Variants in CNIH3 observed in about 807,000 individuals in gnomAD.
The protein encoded by CNIH3 is protein cornichon homolog 3.
CNIH3 carries 14 observed loss-of-function variants against 24.1 expected under a neutral mutation model. The observed-to-expected ratio is 0.58, with a 90% confidence interval of 0.38 to 0.91. The LOEUF (loss-of-function observed/expected upper bound fraction) is 0.91. CNIH3 is among the 40% of genes least tolerant of loss of function. The pLI, the probability that CNIH3 is intolerant of heterozygous loss-of-function variation, is 0.00. For synonymous variants in CNIH3, 68 were observed against 73.8 expected, an observed-to-expected ratio of 0.92 and a Z score of 0.40; for missense variants, 178 against 196.8, an observed-to-expected ratio of 0.90 and a Z score of 0.57.
intron 3 of CNIH3, among the ~76,000 whole-genome samples, chr1:224,553,043 TATC>T: frequency 6.7e-6 from 1 of 149,846 alleles, no homozygotes; most frequent in East Asian, 2.0e-4. Flanking sequence ...TTATGATTAA[TATC>T]ATAGGGTGTA....
intron 2 of CNIH3, among the ~76,000 whole-genome samples, chr1:224,532,479 G>A (rs1301767310): frequency 6.6e-6 from 1 of 152,202 alleles, no homozygotes; most frequent in African/African-American, 2.4e-5. Flanking sequence ...ACCAGCAGAG[G>A]CTCTTGCAGT....
rs567093229 is a variant in CNIH3, at chr1:224,522,320, T to C, written n.343+993T>C. On this transcript the variant is annotated intron_variant and non_coding_transcript_variant, in intron 2 of 2. Transcript: ENST00000470602. ...TGGAAAAAATGAGTTCTCTGTTACA[T>C]GATGAAACTCATTCCAGCAAAGACA... Among the ~76,000 whole-genome samples the C allele has an allele frequency of 1.1e-4, 16 of 152,322 alleles. No homozygotes were observed. In the East Asian group the frequency reaches 2.9e-3, roughly 28 times the overall value.
chr1:224,711,762 T>C (rs1046196447), intron 3 of CNIH3, among the ~76,000 whole-genome samples: 4 of 119,958 alleles, frequency 3.3e-5, no homozygotes, highest in Admixed American at 1.2e-4. Context: ...GCCACTGCAC[T>C]CCAGCTTGGG....
intron 5 of CNIH3, among the ~76,000 whole-genome samples, chr1:224,736,388 A>G (rs1384112972): frequency 4.6e-5 from 7 of 152,178 alleles, no homozygotes; most frequent in African/African-American, 1.7e-4. Flanking sequence ...AGCCTCCCAA[A>G]GTGCTGGGAT....
At chr1:224,609,577 G>C (rs571688612) in intron 3 of CNIH3, among the ~76,000 whole-genome samples, 1 of 152,316 alleles carries the variant, frequency 6.6e-6, no homozygotes, top group Admixed American at 6.5e-5. Flanking sequence ...AGAGTAACTT[G>C]ATATATCATA....
chr1:224,590,935 G>A (rs1681731164), downstream of CNIH3, among the ~76,000 whole-genome samples: 1 of 151,678 alleles, frequency 6.6e-6, no homozygotes. Context: ...TAGGGTTCTT[G>A]CCTCAGAAAC....
chr1:224,569,484 C>T (rs7535693), intron 4 of CNIH3, among the ~76,000 whole-genome samples: 9 of 152,124 alleles, frequency 5.9e-5, no homozygotes, highest in Non-Finnish European at 8.8e-5. Flanking sequence ...AAGACTTTTT[C>T]GATCATTCTT....
chr1:224,635,101 T>C lies in CNIH3; in HGVS notation c.81+17846T>C, dbSNP rs147998665. On this transcript the variant is annotated intron_variant, in intron 1 of 5. Coordinates refer to ENST00000272133, the MANE Select transcript of CNIH3 (RefSeq NM_152495.2). ...GGCTGGAGAGGCCTCAGGAAACTTA[T>C]AATCATGGCAGAAGGTAAGGGGAAG... Among the ~76,000 whole-genome samples the C allele has an allele frequency of 5.2e-3, 792 of 151,730 alleles. 13 individuals carry two copies. The highest frequency in any genetic ancestry group is 0.018 in the African/African-American group (743 of 41,128).
At chr1:224,676,215 G>C in intron 1 of CNIH3, among the ~76,000 whole-genome samples, 1 of 152,220 alleles carries the variant, frequency 6.6e-6, no homozygotes, top group East Asian at 1.9e-4. Flanking sequence ...AACACATCGT[G>C]TATTTACATA....
chr1:224,472,603 A>G (rs974885048), intron 1 of CNIH3, among the ~76,000 whole-genome samples: 1 of 152,206 alleles, frequency 6.6e-6, no homozygotes, highest in African/African-American at 2.4e-5. Context: ...GCAAAGGCAT[A>G]AGAATGATAC....
chr1:224,713,666 C>G (rs919614191), intron 3 of CNIH3, among the ~76,000 whole-genome samples: 2 of 152,176 alleles, frequency 1.3e-5, no homozygotes, highest in Non-Finnish European at 2.9e-5. Flanking sequence ...TACCAAGCAG[C>G]TTATATACAT....
At chr1:224,677,283 C>A (rs1008786873) in intron 1 of CNIH3, among the ~76,000 whole-genome samples, 1 of 152,174 alleles carries the variant, frequency 6.6e-6, no homozygotes, top group Non-Finnish European at 1.5e-5. Flanking sequence ...CTTGATAGCC[C>A]TCATCACACT....
intron 1 of CNIH3, among the ~76,000 whole-genome samples, chr1:224,504,689 A>G (rs777480024): frequency 1.4e-4 from 22 of 152,178 alleles, no homozygotes; most frequent in Admixed American, 2.6e-4. Flanking sequence ...TGGTCTTTGC[A>G]TGCCGCTGCT....
intron 1 of CNIH3, among the ~76,000 whole-genome samples, chr1:224,460,915 G>T (rs763437873): frequency 6.6e-6 from 1 of 151,648 alleles, no homozygotes; most frequent in Non-Finnish European, 1.5e-5. Flanking sequence ...GAGTAGCCGG[G>T]ATTATAGGCG....
At chr1:224,595,726 A>T (rs1290899413) in intron 3 of CNIH3, among the ~76,000 whole-genome samples, 7 of 152,250 alleles carry the variant, frequency 4.6e-5, no homozygotes. Context: ...TTGAAGGAAA[A>T]TAAAAGCACT....
chr1:224,553,798 G>T (rs1680026209), intron 3 of CNIH3, among the ~76,000 whole-genome samples: 1 of 145,668 alleles, frequency 6.9e-6, no homozygotes. Flanking sequence ...TTGGCTTTAT[G>T]TCTCCCTGCC....
intron 3 of CNIH3, among the ~76,000 whole-genome samples, chr1:224,710,466 A>G (rs1688078990): frequency 6.6e-6 from 1 of 152,030 alleles, no homozygotes; most frequent in Non-Finnish European, 1.5e-5. Context: ...ATCTAAGCAA[A>G]CCTTGATCAT....
chr1:224,531,861 G>A (rs1679084466), intron 2 of CNIH3, among the ~76,000 whole-genome samples: 1 of 152,138 alleles, frequency 6.6e-6, no homozygotes, highest in African/African-American at 2.4e-5. Context: ...AGTGGAGGAA[G>A]TCTATTTGGG....
At chr1:224,611,222 C>G (rs1017591466) in intron 3 of CNIH3, among the ~76,000 whole-genome samples, 6 of 152,122 alleles carry the variant, frequency 3.9e-5, no homozygotes, top group Non-Finnish European at 8.8e-5. Flanking sequence ...CATACTGAGG[C>G]TAGCAAGTCA....
Sources: gnomAD v4.1 joint callset for allele counts (sites outside exome capture counted in the v4.1 genomes callset) on GRCh38, gnomAD v4.1.1 for gene constraint, MANE v1.5 for transcripts, NCBI Gene and HGNC (gene_info 2026-07-23, HGNC 2026-07-21) for gene names.